Variants in POLA1 observed in about 807,000 individuals in gnomAD.
POLA1 encodes DNA polymerase alpha catalytic subunit.
Under a neutral mutation model 124.0 loss-of-function variants are expected in POLA1, and 15 were observed. The observed-to-expected ratio is 0.12, with a 90% CI of 0.08 to 0.19. The LOEUF (loss-of-function observed/expected upper bound fraction) is 0.19. Among genes scored for constraint, POLA1 ranks in the 10% least tolerant of loss-of-function variants. The pLI is 1.00. For missense variants in POLA1, 886 were observed against 1,103.4 expected (o/e 0.80, Z 2.79); for synonymous variants, 408 against 389.4 (o/e 1.05, Z -0.56).
chrX:24,986,286 C>T (rs1331184043), intron 36 of POLA1, among the ~76,000 whole-genome samples: 2 of 111,794 alleles, frequency 1.8e-5, no homozygotes, highest in Non-Finnish European at 3.8e-5. Context: ...AGCACTGCCA[C>T]CCATTACCTC....
Position 24,828,824 on chromosome X carries a change from G to C in POLA1, c.3736+2223G>C, listed in dbSNP as rs1213836850. Among the ~76,000 whole-genome samples, 5 of 111,578 alleles carry C rather than the reference G, an allele frequency of 4.5e-5. No individual in the cohort carries two copies. In the Admixed American group the frequency reaches 4.8e-4, roughly 11 times the overall value. ...TGATGGAGCCTGCTTGGGTGGATTG[G>C]CCTGATGCCTGCCTGGATGTGTCAA... On this transcript the variant is annotated intron_variant, in intron 32 of 36. Coordinates refer to ENST00000379068, the MANE Select transcript of POLA1 (RefSeq NM_001330360.2).
chrX:24,751,386 T>A (rs1472041581), intron 26 of POLA1, among the ~76,000 whole-genome samples: 1 of 112,123 alleles, frequency 8.9e-6, no homozygotes, highest in Non-Finnish European at 1.9e-5. Context: ...ATATAAAATA[T>A]AACAATAACA....
intron 36 of POLA1, among the ~76,000 whole-genome samples, chrX:24,960,175 C>T (rs895441678): frequency 6.3e-5 from 7 of 111,757 alleles, no homozygotes; most frequent in Non-Finnish European, 9.4e-5. Flanking sequence ...TCTGTGGCAC[C>T]TCTACCCTCA....
intron 32 of POLA1, among the ~76,000 whole-genome samples, chrX:24,840,523 C>T (rs968316306): frequency 4.5e-5 from 5 of 111,876 alleles, no homozygotes; most frequent in Non-Finnish European, 7.5e-5. Flanking sequence ...TACTAGATGT[C>T]GCTTGACAGC....
chrX:24,701,926 G>A (rs1178183210), intron 2 of POLA1, among the ~76,000 whole-genome samples: 1 of 107,754 alleles, frequency 9.3e-6, no homozygotes, highest in African/African-American at 3.4e-5. Flanking sequence ...GCTAATTTTT[G>A]TATTTTTAGT....
chrX:24,941,810 T>C (rs2047910967), intron 36 of POLA1, among the ~76,000 whole-genome samples: 2 of 112,317 alleles, frequency 1.8e-5, no homozygotes, highest in African/African-American at 3.2e-5. Flanking sequence ...AACCCTTCTC[T>C]CCTTGGCCTG....
At chrX:24,984,528 C>CG (rs1417144449) in intron 36 of POLA1, among the ~76,000 whole-genome samples, 3 of 109,911 alleles carry the variant, frequency 2.7e-5, no homozygotes, top group Non-Finnish European at 5.7e-5. Flanking sequence ...CGTTTTACAC[C>CG]GGAAAAAAAA....
At chrX:24,801,413 A>C (rs1602411200) in intron 26 of POLA1, among the ~76,000 whole-genome samples, 1 of 111,900 alleles carries the variant, frequency 8.9e-6, no homozygotes, top group Non-Finnish European at 1.9e-5. Flanking sequence ...ATATTTATTG[A>C]ATTATTACTT....
At chrX:24,801,966 T>TGTGTGTGA (rs2045720418) in intron 26 of POLA1, among the ~76,000 whole-genome samples, 1 of 107,001 alleles carries the variant, frequency 9.3e-6, no homozygotes, top group Non-Finnish European at 1.9e-5. Context: ...TGTGTGTGTG[T>TGTGTGTGA]GTGTGACATT....
intron 26 of POLA1, among the ~76,000 whole-genome samples, chrX:24,772,367 T>G (rs2045055362): frequency 9.0e-6 from 1 of 111,699 alleles, no homozygotes; most frequent in South Asian, 3.8e-4. Context: ...TTTCTTTTTT[T>G]TAATCTTTTA....
In POLA1 at chrX:24,724,119, A is replaced by G. The variant is rs773551573; in HGVS notation, c.1201-216A>G. Among the ~76,000 whole-genome samples, 11 of 112,172 alleles carry G rather than the reference A, an allele frequency of 9.8e-5. 1 individual carries two copies. In the South Asian group the frequency reaches 4.1e-3, roughly 41 times the overall value. On this transcript the variant is annotated intron_variant, in intron 11 of 36. Coordinates refer to ENST00000379068, the MANE Select transcript of POLA1 (RefSeq NM_001330360.2). Reference sequence around the variant, plus strand: ...GTAGACTTGATCATCTTTATCGCTGATTTGTTTTTTATGATGCCATTGGGA... The same window carrying G: ...GTAGACTTGATCATCTTTATCGCTGGTTTGTTTTTTATGATGCCATTGGGA...
chrX:24,932,720 A>G (rs1478521444), intron 36 of POLA1, among the ~76,000 whole-genome samples: 1 of 112,084 alleles, frequency 8.9e-6, no homozygotes, highest in East Asian at 2.8e-4. Context: ...AAGGAACTTC[A>G]TGAAATGTTC....
chrX:24,790,911 G>A (rs59390633), intron 26 of POLA1, among the ~76,000 whole-genome samples: 896 of 78,206 alleles, frequency 0.011, 23 homozygotes, highest in African/African-American at 0.045. Flanking sequence ...TTATGTATAT[G>A]TATATATATA....
At chrX:24,791,484 C>G (rs910988475) in intron 26 of POLA1, among the ~76,000 whole-genome samples, 35 of 112,682 alleles carry the variant, frequency 3.1e-4, no homozygotes, top group Middle Eastern at 4.6e-3. Context: ...CCTCCCGGTT[C>G]AAGCGATTCT....
intron 31 of POLA1, among the ~76,000 whole-genome samples, chrX:24,824,572 G>A (rs939728628): frequency 9.4e-6 from 1 of 106,076 alleles, no homozygotes; most frequent in Non-Finnish European, 1.9e-5. Flanking sequence ...GCCTCTCCAA[G>A]TACTGGGATT....
chrX:24,888,561 G>A (rs145034733), intron 35 of POLA1, among the ~76,000 whole-genome samples: 121 of 103,083 alleles, frequency 1.2e-3, no homozygotes, highest in Middle Eastern at 5.2e-3. Flanking sequence ...GCATAGATGA[G>A]TAGTTCTGAA....
At chrX:24,731,489 AATTGT>A (rs1450021321) in intron 15 of POLA1, among the ~76,000 whole-genome samples, 1 of 112,172 alleles carries the variant, frequency 8.9e-6, no homozygotes, top group Admixed American at 9.4e-5. Context: ...TAGGTGAGAT[AATTGT>A]ATTGTGATTA....
At chrX:24,981,855 T>TA (rs1273004147) in intron 36 of POLA1, among the ~76,000 whole-genome samples, 2 of 112,353 alleles carry the variant, frequency 1.8e-5, no homozygotes, top group Non-Finnish European at 3.8e-5. Context: ...CAGACATAAA[T>TA]ATATATTTTG....
At chrX:24,824,370 G>T (rs1470136954) in intron 31 of POLA1, among the ~76,000 whole-genome samples, 2 of 109,278 alleles carry the variant, frequency 1.8e-5, no homozygotes, top group Admixed American at 2.0e-4. Flanking sequence ...ACAGCTAACT[G>T]CAGCCTTTAT....
Sources: allele counts gnomAD v4.1 joint callset (sites outside exome capture counted in the v4.1 genomes callset), GRCh38; gene constraint gnomAD v4.1.1; transcripts MANE v1.5; gene names NCBI Gene and HGNC (gene_info 2026-07-23, HGNC 2026-07-21).